The following IMPG1 variants were observed in gnomAD, a reference collection of about 807,000 sequenced individuals.
The protein encoded by IMPG1 is interphotoreceptor matrix proteoglycan of 150 kDa.
A neutral mutation model predicts 92.0 loss-of-function variants in IMPG1; 85 were observed. That is an observed-to-expected ratio of 0.92 (90% CI 0.78 to 1.11). IMPG1 has a LOEUF of 1.11. IMPG1 is among the 50% of genes least tolerant of loss of function. The pLI, the probability that IMPG1 is intolerant of heterozygous loss-of-function variation, is 0.00. For synonymous variants in IMPG1, 367 were observed against 334.1 expected (o/e 1.10, Z -1.08); for missense variants, 1,022 against 956.0 (o/e 1.07, Z -0.91).
In IMPG1 at chr6:75,922,080, T is replaced by C. The variant is rs746276990; in HGVS notation, c.*9A>G. 7 of 1,182,870 alleles carry C rather than the reference T, an allele frequency of 5.9e-6. No individual in the cohort carries two copies. Among genetic ancestry groups the C allele is most frequent in the Non-Finnish European group, 8.7e-6 (7 of 804,246 alleles). 73.3% of individuals were successfully genotyped at this position (1,182,870 alleles called of 1,614,324 possible). A position where few individuals can be genotyped will look rare whatever the true frequency, so the allele number is the denominator to read the frequency against. ...GATAGCCTAAATGATAATTGTACAT[T>C]TTCAGTTTTTAATTTCCTTCCCAAT... On this transcript the variant is annotated 3_prime_UTR_variant, in exon 17 of 17. Coordinates refer to ENST00000369950, the MANE Select transcript of IMPG1 (RefSeq NM_001563.4).
At chr6:75,965,165 T>C (rs1782285642) in intron 12 of IMPG1, among the ~76,000 whole-genome samples, 1 of 152,210 alleles carries the variant, frequency 6.6e-6, no homozygotes, top group Non-Finnish European at 1.5e-5. Flanking sequence ...TAAATATGCA[T>C]GCACAGGTTT....
Position 75,957,154 on chromosome 6 carries a change from G to A in IMPG1, c.1292-6060C>T, listed in dbSNP as rs372274679. On this transcript the variant is annotated intron_variant, in intron 12 of 16. Coordinates refer to ENST00000369950, the MANE Select transcript of IMPG1 (RefSeq NM_001563.4). ...TGACTGGTCTTGAACTCCTGACCTC[G>A]TGATCCACTCGCCTCGGCTTCCCAA... Among the ~76,000 whole-genome samples the A allele has an allele frequency of 4.9e-4, 75 of 152,182 alleles. 1 individual carries two copies. The East Asian group carries it at 7.6e-3, about 15-fold the overall frequency.
chr6:75,924,710 T>TA (rs1314084150), intron 15 of IMPG1, among the ~76,000 whole-genome samples: 2 of 26,472 alleles, frequency 7.6e-5, no homozygotes, highest in African/African-American at 1.2e-4. Context: ...ATATATAATA[T>TA]ATAATATATA....
At chr6:76,064,210 C>A (rs764690183) in intron 1 of IMPG1, among the ~76,000 whole-genome samples, 1 of 149,370 alleles carries the variant, frequency 6.7e-6, no homozygotes, top group Admixed American at 6.6e-5. Context: ...TGCATCCCTG[C>A]TGGCTATGTG....
At chr6:76,064,368 TTC>T (rs1266602533) in intron 1 of IMPG1, among the ~76,000 whole-genome samples, 6 of 69,932 alleles carry the variant, frequency 8.6e-5, no homozygotes, top group East Asian at 4.8e-4. Flanking sequence ...CCATTTTTTT[TTC>T]TTTTTTTTTT....
At chr6:75,926,042 C>T (rs1781543892) in intron 15 of IMPG1, among the ~76,000 whole-genome samples, 2 of 152,126 alleles carry the variant, frequency 1.3e-5, no homozygotes, top group South Asian at 4.1e-4. Context: ...GCAGCATTTT[C>T]GGTTCCTATT....
intron 7 of IMPG1, among the ~76,000 whole-genome samples, chr6:76,013,577 C>T (rs1783230246): frequency 6.6e-6 from 1 of 152,048 alleles, no homozygotes; most frequent in South Asian, 2.1e-4. Context: ...TTGCAGTATA[C>T]CCCATAAAAG....
At chr6:75,985,966 G>A (rs1782710991) in intron 12 of IMPG1, among the ~76,000 whole-genome samples, 1 of 152,140 alleles carries the variant, frequency 6.6e-6, no homozygotes, top group Non-Finnish European at 1.5e-5. Context: ...CACCTGAAGA[G>A]GGATGAAAGA....
chr6:75,941,970 G>A (rs1781842542), intron 14 of IMPG1, among the ~76,000 whole-genome samples: 1 of 152,162 alleles, frequency 6.6e-6, no homozygotes, highest in Non-Finnish European at 1.5e-5. Context: ...GAGGCTGGGG[G>A]GACACTGGAC....
At chr6:75,941,825 C>A (rs143318657) in intron 14 of IMPG1, among the ~76,000 whole-genome samples, 1 of 152,266 alleles carries the variant, frequency 6.6e-6, no homozygotes, top group African/African-American at 2.4e-5. Flanking sequence ...CCTACCAATT[C>A]CCTTATTTCA....
intron 14 of IMPG1, chr6:75,934,806 C>T: frequency 3.0e-6 from 1 of 333,040 alleles, no homozygotes; most frequent in South Asian, 2.5e-5. Context: ...CTTCCCGTCC[C>T]GCCCCTCAAC....
At position 75,924,559 on chromosome 6, in the gene IMPG1, AT is replaced by A. The variant is rs1348378083; in HGVS notation, c.2244-854del. Reference sequence around the variant, plus strand: ...ATAATTATATAATATAATTAATATAATTATATATTATATATAATTAATATAA... The same window carrying A: ...ATAATTATATAATATAATTAATATAATATATATTATATATAATTAATATAA... On this transcript the variant is annotated intron_variant, in intron 15 of 16. Transcript: ENST00000369950. Among the ~76,000 whole-genome samples the A allele has an allele frequency of 1.9e-4, 11 of 56,526 alleles. 2 individuals are homozygous for A. In the Admixed American group the frequency reaches 2.4e-3, roughly 12 times the overall value. 37.1% of individuals were successfully genotyped at this position (56,526 alleles called of 152,430 possible).
chr6:75,950,465 A>T lies in IMPG1; in HGVS notation c.1824+97T>A, dbSNP rs113987809. On this transcript the variant is annotated intron_variant, in intron 13 of 16. Transcript: ENST00000369950. ...GCTGGCTTGGCGGTTTGTTTCTACT[A>T]ACACTAATTGCTCAAGACAGCCAAT... The T allele has an allele frequency of 3.5e-3, 3,980 of 1,124,382 alleles. 93 individuals are homozygous for T. In the African/African-American group the frequency reaches 0.053, roughly 15 times the overall value. The allele number at this position is 1,124,382 out of a possible 1,614,324, so 69.7% of individuals were successfully genotyped here. A position where few individuals can be genotyped will look rare whatever the true frequency, so the allele number is the denominator to read the frequency against.
At chr6:76,039,151 C>G (rs1783792158) in intron 2 of IMPG1, among the ~76,000 whole-genome samples, 2 of 152,146 alleles carry the variant, frequency 1.3e-5, no homozygotes, top group South Asian at 4.1e-4. Flanking sequence ...CTTTAAAGTA[C>G]AAATGAATTT....
chr6:75,968,641 C>G (rs1184466762), intron 12 of IMPG1, among the ~76,000 whole-genome samples: 1 of 151,828 alleles, frequency 6.6e-6, no homozygotes, highest in Non-Finnish European at 1.5e-5. Flanking sequence ...ATAACACTAA[C>G]TTAAAAAAGG....
intron 12 of IMPG1, among the ~76,000 whole-genome samples, chr6:75,975,929 G>A (rs1782525105): frequency 6.6e-6 from 1 of 152,104 alleles, no homozygotes; most frequent in Admixed American, 6.5e-5. Context: ...ATTTTCATAT[G>A]TCAAAAAATA....
chr6:76,027,561 A>G (rs1562375730), intron 4 of IMPG1, among the ~76,000 whole-genome samples: 2 of 152,234 alleles, frequency 1.3e-5, no homozygotes, highest in Non-Finnish European at 2.9e-5. Flanking sequence ...GGGTTAAAGG[A>G]TTGTATTAAA....
chr6:76,041,317 C>A (rs759023471), intron 2 of IMPG1, among the ~76,000 whole-genome samples: 7 of 152,218 alleles, frequency 4.6e-5, no homozygotes, highest in Non-Finnish European at 1.0e-4. Flanking sequence ...CTGGAAACCA[C>A]TGTAATTGTG....
intron 8 of IMPG1, 129 bp from the exon 9 acceptor site, chr6:76,007,629 GT>G (rs1426552672): frequency 4.9e-6 from 3 of 614,486 alleles, no homozygotes; most frequent in East Asian, 5.9e-5. Flanking sequence ...TCTTTTGTTT[GT>G]TCAGAGCTTT....
Sources: gnomAD v4.1 joint callset for allele counts (sites outside exome capture counted in the v4.1 genomes callset) on GRCh38, gnomAD v4.1.1 for gene constraint, MANE v1.5 for transcripts, NCBI Gene and HGNC (gene_info 2026-07-23, HGNC 2026-07-21) for gene names.